Variants in PLD1 observed in about 807,000 individuals in gnomAD.
PLD1 encodes the protein choline phosphatase 1.
Under a neutral mutation model 137.1 loss-of-function variants are expected in PLD1, and 112 were observed. That is an observed-to-expected ratio of 0.82 (90% CI 0.70 to 0.96). PLD1 has a LOEUF of 0.96. Ranked by LOEUF, PLD1 falls within the 40% of genes least tolerant of loss-of-function variation. The probability of loss-of-function intolerance (pLI) is 0.00; values close to 1 mark genes in which losing one functional copy is unlikely to be tolerated. For missense variants in PLD1, 1,321 were observed against 1,342.0 expected (o/e 0.98, Z 0.24); for synonymous variants, 431 against 454.7 (o/e 0.95, Z 0.66).
chr3:171,645,068 T>C (rs944426891), intron 21 of PLD1, 45 bp from the exon 22 acceptor site: 2 of 1,262,012 alleles, frequency 1.6e-6, no homozygotes, highest in Non-Finnish European at 2.3e-6. Context: ...AAATAAAAGG[T>C]AGTATCAATT....
intron 25 of PLD1, among the ~76,000 whole-genome samples, chr3:171,609,729 T>C (rs1732507629): frequency 6.6e-6 from 1 of 152,032 alleles, no homozygotes; most frequent in Admixed American, 6.6e-5. Flanking sequence ...GTGGAATAAC[T>C]GACGTTGGAG....
intron 1 of PLD1, among the ~76,000 whole-genome samples, chr3:171,770,401 C>A (rs757869905): frequency 1.4e-4 from 21 of 152,206 alleles, no homozygotes; most frequent in Admixed American, 9.8e-4. Flanking sequence ...TTCACTGAAA[C>A]TCCAAGGAGT....
intron 23 of PLD1, among the ~76,000 whole-genome samples, chr3:171,630,515 T>C (rs1734562836): frequency 1.5e-5 from 2 of 129,892 alleles, no homozygotes; most frequent in Non-Finnish European, 1.6e-5. Flanking sequence ...CATTACTGGG[T>C]ATATACCCAA....
At chr3:171,697,483 C>T (rs1176436629) in intron 12 of PLD1, among the ~76,000 whole-genome samples, 3 of 151,892 alleles carry the variant, frequency 2.0e-5, no homozygotes, top group South Asian at 2.1e-4. Flanking sequence ...TTCCCCACAC[C>T]GCCCTGCCCC....
At chr3:171,730,333 A>G (rs1367281226) in intron 6 of PLD1, among the ~76,000 whole-genome samples, 1 of 152,186 alleles carries the variant, frequency 6.6e-6, no homozygotes, top group Non-Finnish European at 1.5e-5. Context: ...AGAAAACTGA[A>G]CAAATCACCA....
At chr3:171,701,933 A>G (rs1716284947) in intron 11 of PLD1, among the ~76,000 whole-genome samples, 1 of 152,196 alleles carries the variant, frequency 6.6e-6, no homozygotes, top group Non-Finnish European at 1.5e-5. Flanking sequence ...TAAGTGTACC[A>G]CTTAGAAGAT....
chr3:171,645,740 C>T (rs979182304), intron 21 of PLD1, among the ~76,000 whole-genome samples: 7 of 151,842 alleles, frequency 4.6e-5, no homozygotes, highest in African/African-American at 7.3e-5. Context: ...AAAAATTAGC[C>T]GGGCGTGGTG....
chr3:171,797,033 T>C (rs975145170), intron 1 of PLD1, among the ~76,000 whole-genome samples: 2 of 152,178 alleles, frequency 1.3e-5, no homozygotes, highest in Non-Finnish European at 2.9e-5. Flanking sequence ...TTAGTTTAAC[T>C]TTCCAGCTCT....
intron 11 of PLD1, among the ~76,000 whole-genome samples, chr3:171,708,155 T>C (rs1716844252): frequency 1.3e-5 from 2 of 152,184 alleles, no homozygotes; most frequent in East Asian, 1.9e-4. Context: ...CAGACTAGAA[T>C]GCCTACACCA....
intron 25 of PLD1, among the ~76,000 whole-genome samples, chr3:171,610,832 G>A (rs892589914): frequency 6.6e-6 from 1 of 151,760 alleles, no homozygotes; most frequent in African/African-American, 2.4e-5. Context: ...AGTAACAAAG[G>A]CAATAAATAC....
chr3:171,639,546 T>C (rs1247330832), intron 23 of PLD1, among the ~76,000 whole-genome samples: 1 of 102,252 alleles, frequency 9.8e-6, no homozygotes, highest in Non-Finnish European at 1.8e-5. Flanking sequence ...TATATAAATA[T>C]ATATTCATAT....
chr3:171,674,609 A>G lies in PLD1; in HGVS notation c.2120T>C (p.Met707Thr), dbSNP rs781216021. 1.4e-5 allele frequency: 21 copies of G among 1,450,052 alleles called. No homozygotes were observed. The highest frequency in any genetic ancestry group is 1.4e-4 in the East Asian group (6 of 44,068). 89.8% of individuals were successfully genotyped at this position (1,450,052 alleles called of 1,614,324 possible). Residue 707 changes from methionine (M) to threonine (T), a missense_variant, in exon 19 of 27, where the codon ATG becomes ACG. Coordinates refer to ENST00000351298, the MANE Select transcript of PLD1 (RefSeq NM_002662.5). ...AGAAAGGGACCGATATTTTGATTTC[A>G]TAATCTAAAATAAAGAAAAAGGATA... is the stretch of plus-strand genomic sequence containing the variant. ...FIQRWNFTKI[M>T]KSKYRSLSYP...
At chr3:171,645,386 A>G (rs1237119485) in intron 21 of PLD1, among the ~76,000 whole-genome samples, 4 of 152,210 alleles carry the variant, frequency 2.6e-5, no homozygotes, top group Non-Finnish European at 5.9e-5. Flanking sequence ...AAAAGAACTT[A>G]ATAGTTAACA....
At chr3:171,643,022 C>T (rs561248828) in intron 22 of PLD1, 133 bp from the exon 23 acceptor site, 2 of 601,240 alleles carry the variant, frequency 3.3e-6, no homozygotes, top group Non-Finnish European at 2.9e-6. Context: ...ACATATATAT[C>T]TAAATGCTAA....
chr3:171,628,832 C>G (rs1017927078), intron 23 of PLD1, among the ~76,000 whole-genome samples: 8 of 152,178 alleles, frequency 5.3e-5, no homozygotes, highest in Non-Finnish European at 1.0e-4. Context: ...TAAAAACTCT[C>G]AATAAATTAG....
At chr3:171,746,119 G>A (rs901669234) in intron 1 of PLD1, among the ~76,000 whole-genome samples, 5 of 152,186 alleles carry the variant, frequency 3.3e-5, no homozygotes, top group Admixed American at 6.5e-5. Context: ...CCGCCTCCCC[G>A]CGGGGCAGAG....
intron 11 of PLD1, among the ~76,000 whole-genome samples, chr3:171,701,123 G>A (rs896637135): frequency 1.3e-5 from 2 of 152,104 alleles, no homozygotes; most frequent in Admixed American, 6.6e-5. Context: ...ATTTCATTCA[G>A]TTAAAGAAAA....
chr3:171,695,728 A>G (rs555031959), intron 12 of PLD1, among the ~76,000 whole-genome samples: 126 of 152,262 alleles, frequency 8.3e-4, no homozygotes, highest in African/African-American at 2.8e-3. Flanking sequence ...GCCTGAAGAC[A>G]GTTTAGCCCA....
chr3:171,765,205 G>A lies in PLD1; in HGVS notation c.-31-27123C>T, dbSNP rs955825748. 30 of 152,158 alleles carry A rather than the reference G, an allele frequency of 2.0e-4. No homozygotes were observed. The East Asian group carries it at 2.7e-3, about 14-fold the overall frequency. 9.4% of individuals were successfully genotyped at this position (152,158 alleles called of 1,614,324 possible). A position where few individuals can be genotyped will look rare whatever the true frequency, so the allele number is the denominator to read the frequency against. On this transcript the variant is annotated intron_variant, in intron 1 of 26. Transcript: ENST00000351298. ...TTTAAAGGGCTTAACTTGATGATCT[G>A]TAAATTATACAATATCAATAAAGCT... is the stretch of plus-strand genomic sequence containing the variant.
Sources: gnomAD v4.1 joint callset for allele counts (sites outside exome capture counted in the v4.1 genomes callset) on GRCh38, gnomAD v4.1.1 for gene constraint, MANE v1.5 for transcripts, NCBI Gene and HGNC (gene_info 2026-07-23, HGNC 2026-07-21) for gene names.